The following AFF2 variants were observed in gnomAD, a reference collection of about 807,000 sequenced individuals.
The protein encoded by AFF2 is ALF transcription elongation factor 2.
AFF2 carries 14 observed loss-of-function variants against 76.9 expected under a neutral mutation model. The ratio of observed to expected loss-of-function variants is 0.18; its 90% CI spans 0.12 to 0.28. AFF2 has a LOEUF of 0.28. Among genes scored for constraint, AFF2 ranks in the 10% least tolerant of loss-of-function variants. AFF2 has a pLI of 1.00. For missense variants in AFF2, 868 were observed against 1,001.1 expected, an observed-to-expected ratio of 0.87 and a Z score of 1.79; for synonymous variants, 398 against 366.7, an observed-to-expected ratio of 1.09 and a Z score of -0.98.
At chrX:148,857,561 A>G (rs1785214013) in intron 7 of AFF2, among the ~76,000 whole-genome samples, 1 of 111,991 alleles carries the variant, frequency 8.9e-6, no homozygotes, top group South Asian at 3.7e-4. Context: ...TTAGCATTTC[A>G]TACTCATTGT....
intron 1 of AFF2, among the ~76,000 whole-genome samples, chrX:148,574,399 G>T (rs930262321): frequency 9.0e-5 from 10 of 111,263 alleles, no homozygotes; most frequent in African/African-American, 3.3e-4. Context: ...AAAGTTAGTG[G>T]ATTCTTCATT....
chrX:148,674,330 C>G (rs1354582201), intron 3 of AFF2, among the ~76,000 whole-genome samples: 1 of 112,328 alleles, frequency 8.9e-6, no homozygotes, highest in African/African-American at 3.2e-5. Context: ...TGGGCTAGAT[C>G]TAGACAAAGT....
intron 3 of AFF2, among the ~76,000 whole-genome samples, chrX:148,795,800 CAAAAAAAAAAAAAAAAAAAAA>C (rs146034170): frequency 1.9e-4 from 1 of 5,375 alleles, no homozygotes; most frequent in Non-Finnish European, 4.2e-4. Context: ...GAGACTGTCT[CAAAAAAAAAAAAAAAAAAAAA>C]AAAAAAAAAA....
chrX:148,891,530 T>C (rs782015274), intron 8 of AFF2, among the ~76,000 whole-genome samples: 1 of 112,334 alleles, frequency 8.9e-6, no homozygotes, highest in African/African-American at 3.2e-5. Context: ...TTTTAAACTA[T>C]CCGCAATTTG....
chrX:148,849,559 T>C (rs2070709982), intron 7 of AFF2, among the ~76,000 whole-genome samples: 1 of 110,554 alleles, frequency 9.0e-6, no homozygotes, highest in Non-Finnish European at 1.9e-5. Flanking sequence ...CACATCATTG[T>C]CTCAAGGAAT....
intron 1 of AFF2, among the ~76,000 whole-genome samples, chrX:148,649,804 G>A (rs1167880611): frequency 1.8e-5 from 2 of 111,074 alleles, no homozygotes; most frequent in Non-Finnish European, 3.8e-5. Context: ...TCTTTCCCTC[G>A]GAGAAGGAAG....
intron 1 of AFF2, among the ~76,000 whole-genome samples, chrX:148,581,880 G>A (rs2053418492): frequency 8.9e-6 from 1 of 112,019 alleles, no homozygotes; most frequent in African/African-American, 3.2e-5. Context: ...GCTTTATTCA[G>A]ATTTTGCCAA....
At chrX:148,545,460 A>T (rs1157798297) in intron 1 of AFF2, among the ~76,000 whole-genome samples, 2 of 111,812 alleles carry the variant, frequency 1.8e-5, no homozygotes, top group Non-Finnish European at 3.8e-5. Flanking sequence ...AAATAACTTC[A>T]CTAGCTTGAT....
intron 16 of AFF2, among the ~76,000 whole-genome samples, chrX:148,976,411 C>G (rs782089110): frequency 9.8e-5 from 11 of 111,923 alleles, no homozygotes; most frequent in Non-Finnish European, 1.3e-4. Context: ...TATGTCTTCT[C>G]TATGTTTTAC....
At chrX:148,832,144 A>G (rs1312094016) in intron 4 of AFF2, among the ~76,000 whole-genome samples, 1 of 111,756 alleles carries the variant, frequency 8.9e-6, no homozygotes, top group African/African-American at 3.3e-5. Context: ...AAGCAAAACT[A>G]AAAAATAAAA....
At chrX:148,596,094 C>G (rs1479249677) in intron 1 of AFF2, among the ~76,000 whole-genome samples, 1 of 111,470 alleles carries the variant, frequency 9.0e-6, no homozygotes, top group Non-Finnish European at 1.9e-5. Context: ...CTACTGTGCT[C>G]TTTGGCAAAT....
intron 5 of AFF2, among the ~76,000 whole-genome samples, chrX:148,841,465 C>T (rs1348768609): frequency 2.7e-5 from 3 of 111,601 alleles, no homozygotes; most frequent in Admixed American, 9.6e-5. Flanking sequence ...TTATATCAAG[C>T]ATGCTTTACT....
chrX:148,660,025 A>G (rs961508196), intron 2 of AFF2, among the ~76,000 whole-genome samples: 1 of 112,396 alleles, frequency 8.9e-6, no homozygotes, highest in Middle Eastern at 4.6e-3. Context: ...GATACAATAT[A>G]TGATTGGAGG....
chrX:148,965,351 A>G (rs1301869195), intron 13 of AFF2, among the ~76,000 whole-genome samples: 2 of 111,825 alleles, frequency 1.8e-5, no homozygotes, highest in Non-Finnish European at 3.8e-5. Flanking sequence ...AAATAGAGGA[A>G]TTGTTTTCAA....
At chrX:148,588,879 T>A (rs2053495172) in intron 1 of AFF2, among the ~76,000 whole-genome samples, 1 of 111,558 alleles carries the variant, frequency 9.0e-6, no homozygotes, top group Admixed American at 9.6e-5. Flanking sequence ...AGATTTCAGT[T>A]CTCCATGTTC....
intron 3 of AFF2, among the ~76,000 whole-genome samples, chrX:148,725,943 G>A (rs183667292): frequency 3.8e-4 from 42 of 111,581 alleles, no homozygotes; most frequent in Non-Finnish European, 5.5e-4. Context: ...AGTGTTGAAG[G>A]GCTATAGGCC....
At chrX:148,879,831 T>C (rs2071077515) in intron 7 of AFF2, among the ~76,000 whole-genome samples, 1 of 110,722 alleles carries the variant, frequency 9.0e-6, no homozygotes, top group Admixed American at 9.5e-5. Context: ...GACGGAAGGC[T>C]GCTTTGGGCT....
rs2266823 is a variant in AFF2 at position 148,874,148 on chromosome X, A to T, written c.1263-11741A>T. On this transcript the variant is annotated intron_variant, in intron 7 of 20. Coordinates refer to ENST00000370460, the MANE Select transcript of AFF2 (RefSeq NM_002025.4). ...CAGGAAAGAGTAGAGCTCCAATTTC[A>T]CAAGATGTTCATCCACTATATGTAA... 3.1e-4 allele frequency among the ~76,000 whole-genome samples: 35 copies of T among 111,528 alleles called. No individual in the cohort carries two copies. The East Asian group carries it at 9.2e-3, about 29-fold the overall frequency.
intron 1 of AFF2, among the ~76,000 whole-genome samples, chrX:148,603,417 G>A (rs1557248358): frequency 9.4e-6 from 1 of 105,850 alleles, no homozygotes; most frequent in African/African-American, 3.4e-5. Flanking sequence ...TAACAGACTG[G>A]CTAGATATAA....
Sources: gnomAD v4.1 joint callset for allele counts (sites outside exome capture counted in the v4.1 genomes callset) on GRCh38, gnomAD v4.1.1 for gene constraint, MANE v1.5 for transcripts, NCBI Gene and HGNC (gene_info 2026-07-23, HGNC 2026-07-21) for gene names.